Variants in FAT3 observed in about 807,000 individuals in gnomAD.
The protein encoded by FAT3 is protocadherin Fat 3.
A neutral mutation model predicts 310.2 loss-of-function variants in FAT3; 95 were observed. The observed-to-expected ratio is 0.31, with a 90% CI of 0.26 to 0.36. The LOEUF (loss-of-function observed/expected upper bound fraction) is 0.36. Ranked by LOEUF, FAT3 falls within the 10% of genes least tolerant of loss-of-function variation. The pLI, the probability that FAT3 is intolerant of heterozygous loss-of-function variation, is 1.00. For missense variants in FAT3, 5,408 were observed against 5,715.6 expected, an observed-to-expected ratio of 0.95 and a Z score of 1.74; for synonymous variants, 2,314 against 2,192.9, an observed-to-expected ratio of 1.06 and a Z score of -1.54.
At chr11:92,334,233 A>C (rs1947995820) in intron 1 of FAT3, among the ~76,000 whole-genome samples, 1 of 151,982 alleles carries the variant, frequency 6.6e-6, no homozygotes, top group South Asian at 2.1e-4. Flanking sequence ...AAAATTAGCC[A>C]GGTGTGGTGG....
At chr11:92,687,341 A>G (rs1943662712) in intron 3 of FAT3, among the ~76,000 whole-genome samples, 1 of 152,192 alleles carries the variant, frequency 6.6e-6, no homozygotes, top group South Asian at 2.1e-4. Flanking sequence ...CAGAGCCAGG[A>G]CTTAGACCCA....
intron 14 of FAT3, among the ~76,000 whole-genome samples, chr11:92,833,078 A>G (rs1948309333): frequency 6.6e-6 from 1 of 152,256 alleles, no homozygotes; most frequent in South Asian, 2.1e-4. Context: ...GTTAATAAGT[A>G]TTAGACGTGC....
intron 2 of FAT3, among the ~76,000 whole-genome samples, chr11:92,371,752 A>G (rs1441539565): frequency 6.6e-6 from 1 of 152,160 alleles, no homozygotes; most frequent in Non-Finnish European, 1.5e-5. Flanking sequence ...CTTTAAGCCC[A>G]AAGAGCTCTC....
chr11:92,642,144 G>T (rs996574415), intron 3 of FAT3, among the ~76,000 whole-genome samples: 1 of 152,208 alleles, frequency 6.6e-6, no homozygotes, highest in Non-Finnish European at 1.5e-5. Context: ...TTCAGAACCT[G>T]AGGAACTGAT....
chr11:92,769,936 TG>T (rs1946417975), intron 6 of FAT3, among the ~76,000 whole-genome samples: 1 of 152,202 alleles, frequency 6.6e-6, no homozygotes, highest in Admixed American at 6.6e-5. Context: ...TTGAAGTCTC[TG>T]GTAGGACTAG....
chr11:92,554,231 G>A (rs1333636623), intron 3 of FAT3, among the ~76,000 whole-genome samples: 5 of 147,056 alleles, frequency 3.4e-5, no homozygotes, highest in African/African-American at 7.6e-5. Flanking sequence ...GGGAGGCCGA[G>A]GCGGGCAGAT....
At chr11:92,639,322 C>A (rs1435205967) in intron 3 of FAT3, among the ~76,000 whole-genome samples, 2 of 152,156 alleles carry the variant, frequency 1.3e-5, no homozygotes, top group Non-Finnish European at 2.9e-5. Context: ...TGGGGAGCAA[C>A]TAATTTTTCT....
chr11:92,454,234 C>T (rs1951439270), intron 2 of FAT3, among the ~76,000 whole-genome samples: 1 of 152,044 alleles, frequency 6.6e-6, no homozygotes. Flanking sequence ...TAATGGCTAC[C>T]ATTTGGGATG....
chr11:92,723,178 C>T (rs967417963), intron 4 of FAT3, among the ~76,000 whole-genome samples: 1 of 152,162 alleles, frequency 6.6e-6, no homozygotes, highest in African/African-American at 2.4e-5. Context: ...TTAACAGCAT[C>T]CAAGTCACCT....
At chr11:92,566,544 G>T (rs1344737451) in intron 3 of FAT3, among the ~76,000 whole-genome samples, 1 of 151,886 alleles carries the variant, frequency 6.6e-6, no homozygotes, top group Non-Finnish European at 1.5e-5. Context: ...CTACTTTAAA[G>T]TTCATATGGA....
intron 2 of FAT3, among the ~76,000 whole-genome samples, chr11:92,464,223 C>T (rs1235685735): frequency 6.6e-6 from 1 of 152,174 alleles, no homozygotes; most frequent in Non-Finnish European, 1.5e-5. Flanking sequence ...AAGTGGTGAT[C>T]TTCTAAATGG....
At chr11:92,601,824 C>T (rs973948498) in intron 3 of FAT3, among the ~76,000 whole-genome samples, 2 of 152,104 alleles carry the variant, frequency 1.3e-5, no homozygotes, top group African/African-American at 4.8e-5. Context: ...CGTTCCAAGG[C>T]TTGATTCCCT....
chr11:92,652,221 A>AG (rs1555111078), intron 3 of FAT3, among the ~76,000 whole-genome samples: 1 of 151,974 alleles, frequency 6.6e-6, no homozygotes, highest in Non-Finnish European at 1.5e-5. Context: ...GGCAGCCAAC[A>AG]CCCCACTTTT....
chr11:92,824,597 T>C (rs1357437323), intron 13 of FAT3, among the ~76,000 whole-genome samples: 2 of 152,196 alleles, frequency 1.3e-5, no homozygotes, highest in Non-Finnish European at 2.9e-5. Flanking sequence ...AGTATTTGAT[T>C]GCACTCCAAA....
intron 2 of FAT3, among the ~76,000 whole-genome samples, chr11:92,439,273 A>G (rs1236161888): frequency 6.6e-6 from 1 of 152,186 alleles, no homozygotes; most frequent in African/African-American, 2.4e-5. Flanking sequence ...CTGATCTAAA[A>G]CAGAGAATTG....
At position 92,789,949 on chromosome 11, in the gene FAT3, A is replaced by G. The variant is rs754740267; in HGVS notation, c.4342A>G (p.Ile1448Val). ...TTTCTTCTTTTAACTACAGGTATTTATCAAAGTGCTGGATAATAATGATAA... is the reference window on the plus strand; with the variant it reads ...TTTCTTCTTTTAACTACAGGTATTTGTCAAAGTGCTGGATAATAATGATAA... ...GTNVAVTQVF[I>V]KVLDNNDNGP... is the part of the protein sequence containing the mutation. The change falls in exon 8 of 28, where the codon ATC becomes GTC. Residue 1448 changes from isoleucine to valine, a missense_variant. Transcript: ENST00000525166. 1 of 1,613,394 alleles carries G rather than the reference A, an allele frequency of 6.2e-7. No homozygotes were observed. The highest frequency in any genetic ancestry group is 1.1e-5 in the South Asian group (1 of 91,070).
At chr11:92,474,671 C>A (rs1265274185) in intron 2 of FAT3, among the ~76,000 whole-genome samples, 1 of 152,086 alleles carries the variant, frequency 6.6e-6, no homozygotes, top group Non-Finnish European at 1.5e-5. Context: ...AACCAGGGTC[C>A]TGGGAAAGCT....
At chr11:92,792,525 GCACAGACCACAGGC>G (rs1455796537) in intron 8 of FAT3, among the ~76,000 whole-genome samples, 1 of 152,134 alleles carries the variant, frequency 6.6e-6, no homozygotes, top group Non-Finnish European at 1.5e-5. Context: ...CACAGACTGA[GCACAGACCACAGGC>G]CAGACATTAG....
intron 1 of FAT3, among the ~76,000 whole-genome samples, chr11:92,335,840 T>A (rs1326935664): frequency 6.6e-6 from 1 of 152,084 alleles, no homozygotes; most frequent in Non-Finnish European, 1.5e-5. Flanking sequence ...AGGAGATATA[T>A]TAGGACAATC....
Sources: gnomAD v4.1 joint callset for allele counts (sites outside exome capture counted in the v4.1 genomes callset) on GRCh38, gnomAD v4.1.1 for gene constraint, MANE v1.5 for transcripts, NCBI Gene and HGNC (gene_info 2026-07-23, HGNC 2026-07-21) for gene names.